ADAMTSL1: variants seen among roughly 807,000 people sequenced by gnomAD.
The protein encoded by ADAMTSL1 is ADAMTS-like protein 1.
ADAMTSL1 carries 126 observed loss-of-function variants against 201.8 expected under a neutral mutation model. The observed-to-expected ratio is 0.62, with a 90% CI of 0.54 to 0.72. The LOEUF (loss-of-function observed/expected upper bound fraction) is 0.72, where lower values mean the gene tolerates loss of function less well. Ranked by LOEUF, ADAMTSL1 falls within the 30% of genes least tolerant of loss-of-function variation. The pLI is 0.00. For missense variants in ADAMTSL1, 2,679 were observed against 2,277.8 expected (o/e 1.18, Z -3.59); for synonymous variants, 1,121 against 903.4 (o/e 1.24, Z -4.32).
intron 2 of ADAMTSL1, among the ~76,000 whole-genome samples, chr9:18,444,711 T>A (rs1369953243): frequency 1.3e-5 from 2 of 152,146 alleles, no homozygotes; most frequent in African/African-American, 4.8e-5. Flanking sequence ...ATAATAGTAG[T>A]ACGAGTTAAG....
chr9:17,997,486 A>G (rs1239434502), intron 1 of ADAMTSL1, among the ~76,000 whole-genome samples: 1 of 152,094 alleles, frequency 6.6e-6, no homozygotes, highest in Non-Finnish European at 1.5e-5. Context: ...ATCCGTTGAA[A>G]ATCTTATTTA....
At chr9:18,247,124 T>C (rs1270619990) in intron 2 of ADAMTSL1, among the ~76,000 whole-genome samples, 3 of 152,158 alleles carry the variant, frequency 2.0e-5, no homozygotes, top group Admixed American at 6.6e-5. Flanking sequence ...GTCACATTAA[T>C]AAATATAACA....
chr9:17,975,403 C>T (rs547875037), intron 1 of ADAMTSL1, among the ~76,000 whole-genome samples: 9 of 152,076 alleles, frequency 5.9e-5, no homozygotes, highest in South Asian at 4.2e-4. Context: ...GGTGAGAGCT[C>T]GATCTCTGAT....
intron 2 of ADAMTSL1, among the ~76,000 whole-genome samples, chr9:18,345,877 A>G (rs756786261): frequency 2.0e-5 from 3 of 152,094 alleles, no homozygotes; most frequent in Non-Finnish European, 4.4e-5. Flanking sequence ...GTGATACCCC[A>G]AATCAATGAT....
In ADAMTSL1 at chr9:18,654,123, G is replaced by A. The variant is rs893898363; in HGVS notation, c.835-3516G>A. On this transcript the variant is annotated intron_variant, in intron 7 of 28. Transcript: ENST00000380548. ...GGACACCTATAATACCAGCTACTCA[G>A]GAGGTTGAGGCAGGAAAATTGCTTG... Among the ~76,000 whole-genome samples, 4 of 152,230 alleles carry A rather than the reference G, an allele frequency of 2.6e-5. No homozygotes were observed. The South Asian group carries it at 8.3e-4, about 32-fold the overall frequency.
chr9:17,989,384 G>A (rs777691471), intron 1 of ADAMTSL1, among the ~76,000 whole-genome samples: 5 of 151,716 alleles, frequency 3.3e-5, no homozygotes, highest in Admixed American at 2.0e-4. Context: ...CATTTATACT[G>A]ACTGTTTTAC....
At chr9:18,029,666 TC>T (rs1167834131) in intron 1 of ADAMTSL1, among the ~76,000 whole-genome samples, 1 of 151,696 alleles carries the variant, frequency 6.6e-6, no homozygotes, top group African/African-American at 2.4e-5. Flanking sequence ...AGGGCTAATA[TC>T]CAGAATCTAC....
upstream of ADAMTSL1, among the ~76,000 whole-genome samples, chr9:18,470,012 A>G (rs186687482): frequency 6.6e-6 from 1 of 152,352 alleles, no homozygotes; most frequent in Admixed American, 6.5e-5. Context: ...AATAATAAAT[A>G]TAAAATACTT....
intron 2 of ADAMTSL1, among the ~76,000 whole-genome samples, chr9:18,264,609 A>G (rs191125016): frequency 2.6e-5 from 4 of 152,322 alleles, no homozygotes; most frequent in Admixed American, 1.3e-4. Context: ...GAGTGAGATT[A>G]GACAGTAAAG....
At chr9:18,672,272 C>T (rs574551688) in intron 9 of ADAMTSL1, among the ~76,000 whole-genome samples, 15 of 151,994 alleles carry the variant, frequency 9.9e-5, no homozygotes, top group African/African-American at 3.6e-4. Flanking sequence ...TGAAGTAACG[C>T]ATGGAATTTG....
chr9:18,562,381 A>G (rs891253070), intron 3 of ADAMTSL1, among the ~76,000 whole-genome samples: 1 of 152,160 alleles, frequency 6.6e-6, no homozygotes, highest in Non-Finnish European at 1.5e-5. Context: ...TTCTGCAGAG[A>G]GATCTGCTGT....
At chr9:18,263,802 G>C (rs968420816) in intron 2 of ADAMTSL1, among the ~76,000 whole-genome samples, 1 of 152,108 alleles carries the variant, frequency 6.6e-6, no homozygotes, top group East Asian at 1.9e-4. Context: ...CCAAGGGAAG[G>C]CCACGTGAAC....
intron 1 of ADAMTSL1, among the ~76,000 whole-genome samples, chr9:17,913,269 C>G (rs1278158850): frequency 6.6e-6 from 1 of 152,098 alleles, no homozygotes; most frequent in Non-Finnish European, 1.5e-5. Flanking sequence ...GGCATTGAAT[C>G]TATAAATTAC....
At chr9:18,675,984 C>A in intron 10 of ADAMTSL1, 77 bp downstream of exon 10, 2 of 1,269,482 alleles carry the variant, frequency 1.6e-6, no homozygotes, top group Non-Finnish European at 2.3e-6. Flanking sequence ...TAGAGATATA[C>A]ATATACATAG....
Position 18,777,169 on chromosome 9 carries a change from G to A in ADAMTSL1, c.2940G>A (p.Val980=). The change falls in exon 19 of 29, where the codon GTG becomes GTA. Residue 980 remains valine (V), a synonymous_variant. Transcript: ENST00000380548. ...TGAGCCCGAGAAGTGAGGAAGAGGT[G>A]CTTGCGGGGAGGAAGGGCGGCCCGA... ...RPLSPRSEEE[V]LAGRKGGPKE... The A allele has an allele frequency of 6.2e-7, 1 of 1,612,960 alleles. No individual in the cohort carries two copies. The highest frequency in any genetic ancestry group is 8.5e-7 in the Non-Finnish European group (1 of 1,179,824).
At chr9:18,276,876 C>T (rs570705477) in intron 2 of ADAMTSL1, among the ~76,000 whole-genome samples, 14 of 152,318 alleles carry the variant, frequency 9.2e-5, no homozygotes, top group African/African-American at 3.4e-4. Flanking sequence ...CCACCTCCAA[C>T]ACTGGAGGTC....
chr9:18,410,272 G>A (rs1016647308), intron 2 of ADAMTSL1, among the ~76,000 whole-genome samples: 5 of 151,368 alleles, frequency 3.3e-5, no homozygotes, highest in African/African-American at 7.3e-5. Flanking sequence ...ATAGGTAAAC[G>A]TGTGCCATGG....
intron 7 of ADAMTSL1, among the ~76,000 whole-genome samples, chr9:18,643,205 G>A (rs529690453): frequency 2.4e-4 from 37 of 152,092 alleles, no homozygotes; most frequent in African/African-American, 8.9e-4. Context: ...ATGCCTGTTG[G>A]CCATTTGTAT....
intron 1 of ADAMTSL1, among the ~76,000 whole-genome samples, chr9:17,932,884 A>G (rs1474970078): frequency 6.6e-6 from 1 of 152,092 alleles, no homozygotes; most frequent in Non-Finnish European, 1.5e-5. Flanking sequence ...GACCAGATAT[A>G]TGATTATTTC....
Sources: allele counts gnomAD v4.1 joint callset (sites outside exome capture counted in the v4.1 genomes callset), GRCh38; gene constraint gnomAD v4.1.1; transcripts MANE v1.5; gene names NCBI Gene and HGNC (gene_info 2026-07-23, HGNC 2026-07-21).